UTRN: variants seen among roughly 807,000 people sequenced by gnomAD.
UTRN encodes utrophin.
Under a neutral mutation model 463.9 loss-of-function variants are expected in UTRN, and 283 were observed. That is an observed-to-expected ratio of 0.61 (90% CI 0.55 to 0.67). UTRN has a LOEUF of 0.67. Among genes scored for constraint, UTRN ranks in the 30% least tolerant of loss-of-function variants. The probability of loss-of-function intolerance (pLI) is 0.00; values close to 1 mark genes in which losing one functional copy is unlikely to be tolerated. For synonymous variants in UTRN, 1,442 were observed against 1,431.5 expected (o/e 1.01, Z -0.17); for missense variants, 3,922 against 4,084.3 (o/e 0.96, Z 1.08).
At chr6:144,719,838 A>G (rs1439974688) in intron 53 of UTRN, among the ~76,000 whole-genome samples, 1 of 152,252 alleles carries the variant, frequency 6.6e-6, no homozygotes, top group Non-Finnish European at 1.5e-5. Flanking sequence ...TATCATTTTA[A>G]TTTTGTAATT....
At chr6:144,503,752 T>C (rs115698790) in intron 34 of UTRN, among the ~76,000 whole-genome samples, 1,596 of 152,314 alleles carry the variant, frequency 0.01, 34 homozygotes, top group African/African-American at 0.036. Flanking sequence ...CCATATGAAA[T>C]TTACAGTGTT....
chr6:144,751,981 G>A, intron 56 of UTRN, 29 bp downstream of exon 56: 1 of 1,570,544 alleles, frequency 6.4e-7, no homozygotes, highest in Non-Finnish European at 8.6e-7. Context: ...TCATAATGCA[G>A]GCTTACACCT....
At chr6:144,694,899 G>A (rs1308605591) in intron 52 of UTRN, among the ~76,000 whole-genome samples, 3 of 149,898 alleles carry the variant, frequency 2.0e-5, no homozygotes, top group Admixed American at 6.6e-5. Flanking sequence ...CTACAGTTCT[G>A]CTCTGATATC....
Position 144,451,362 on chromosome 6 carries a change from T to C in UTRN, c.2073-8T>C. The C allele has an allele frequency of 1.9e-6, 3 of 1,608,546 alleles. No homozygotes were observed. Among genetic ancestry groups the C allele is most frequent in the Non-Finnish European group, 2.5e-6 (3 of 1,178,162 alleles). On this transcript the variant is annotated splice_region_variant and splice_polypyrimidine_tract_variant and intron_variant, in intron 17 of 74. Transcript: ENST00000367545. ...ATGACAAATGGTCACCTCTGAATCTTCAAACAGGTTTGATGCTATAAGTGC... is the reference window on the plus strand; with the variant it reads ...ATGACAAATGGTCACCTCTGAATCTCCAAACAGGTTTGATGCTATAAGTGC...
intron 41 of UTRN, among the ~76,000 whole-genome samples, chr6:144,529,438 G>A (rs958021559): frequency 6.6e-6 from 1 of 152,190 alleles, no homozygotes; most frequent in Non-Finnish European, 1.5e-5. Flanking sequence ...CTGAGTGGGA[G>A]CTGCAAGTTA....
At chr6:144,457,753 T>C (rs1308857008) in intron 19 of UTRN, among the ~76,000 whole-genome samples, 1 of 152,230 alleles carries the variant, frequency 6.6e-6, no homozygotes, top group Non-Finnish European at 1.5e-5. Context: ...CAAAGTTGCA[T>C]TGTCTGTGGA....
chr6:144,563,721 G>C (rs1293641754), intron 50 of UTRN, among the ~76,000 whole-genome samples: 1 of 151,976 alleles, frequency 6.6e-6, no homozygotes, highest in Non-Finnish European at 1.5e-5. Flanking sequence ...TCCAAGCTGG[G>C]AATAAAGCTG....
chr6:144,606,802 T>G (rs980157331), intron 51 of UTRN, among the ~76,000 whole-genome samples: 3 of 152,210 alleles, frequency 2.0e-5, no homozygotes, highest in Non-Finnish European at 4.4e-5. Context: ...GTTTGAGGTG[T>G]AAGTGCCAAT....
At chr6:144,633,937 G>A (rs774270399) in intron 51 of UTRN, among the ~76,000 whole-genome samples, 1 of 152,214 alleles carries the variant, frequency 6.6e-6, no homozygotes, top group Non-Finnish European at 1.5e-5. Flanking sequence ...TGAGCTAGAA[G>A]GTTTTTGGAT....
chr6:144,365,563 C>T (rs1367536564), intron 2 of UTRN, among the ~76,000 whole-genome samples: 3 of 152,130 alleles, frequency 2.0e-5, no homozygotes, highest in Non-Finnish European at 1.5e-5. Context: ...TGTTACTAAG[C>T]GACAAACATT....
chr6:144,372,962 T>A (rs1487510245), intron 2 of UTRN, among the ~76,000 whole-genome samples: 1 of 152,144 alleles, frequency 6.6e-6, no homozygotes, highest in Non-Finnish European at 1.5e-5. Context: ...ATCAAAACCA[T>A]AGCGAAATTT....
chr6:144,406,356 C>CTTTTTTTTTTTTTTTTTTTTTTTTTTT (rs57721924), intron 3 of UTRN, among the ~76,000 whole-genome samples: 1 of 125,582 alleles, frequency 8.0e-6, no homozygotes, highest in Admixed American at 8.2e-5. Context: ...TTTTTCTTTT[C>CTTTTTTTTTTTTTTTTTTTTTTTTTTT]TTTTTTTTTT....
intron 2 of UTRN, among the ~76,000 whole-genome samples, chr6:144,365,116 C>T (rs1444024237): frequency 1.3e-5 from 2 of 152,158 alleles, no homozygotes; most frequent in Non-Finnish European, 2.9e-5. Flanking sequence ...ATTCTGCTTG[C>T]CACATTGCGT....
chr6:144,302,798 G>C (rs903317300), intron 2 of UTRN, among the ~76,000 whole-genome samples: 3 of 152,136 alleles, frequency 2.0e-5, no homozygotes, highest in African/African-American at 7.2e-5. Flanking sequence ...CAAGGAATTT[G>C]AGGTGTGCCT....
In UTRN at chr6:144,479,901, C is replaced by T. The variant is rs1298219670; in HGVS notation, c.3426C>T (p.Thr1142=). 1.2e-6 allele frequency: 2 copies of T among 1,614,004 alleles called. No individual in the cohort carries two copies. Among genetic ancestry groups the T allele is most frequent in the East Asian group, 2.2e-5 (1 of 44,876 alleles). The change falls in exon 26 of 75, where the codon ACC becomes ACT. Residue 1142 remains threonine, a synonymous_variant. Transcript: ENST00000367545. ...KDLAEMQEWM[T]QAEEEYLERD... ...TGGCAGAGATGCAGGAATGGATGAC[C>T]CAGGCCGAGGAAGAATATTTGGAGC...
At chr6:144,686,587 C>T (rs1830270) in intron 52 of UTRN, among the ~76,000 whole-genome samples, 151,040 of 152,292 alleles carry the variant, frequency 0.99, 74,901 homozygotes, top group Middle Eastern at 1. Flanking sequence ...TAGACACATA[C>T]ATGTTTAGGA....
At position 144,423,508 on chromosome 6, in the gene UTRN, G is replaced by A. The variant is rs776188150; in HGVS notation, c.235-41G>A. ...TGCTAGTGTTAGTCAGGCATATGGA[G>A]GGACAATCAGTTTTACTTGCTTTTT... is the stretch of plus-strand genomic sequence containing the variant. On this transcript the variant is annotated intron_variant, in intron 4 of 74. Transcript: ENST00000367545. 2.7e-5 allele frequency: 43 copies of A among 1,593,668 alleles called. 1 individual carries two copies. The South Asian group carries it at 4.2e-4, about 16-fold the overall frequency.
intron 2 of UTRN, among the ~76,000 whole-genome samples, chr6:144,388,587 T>G (rs906245877): frequency 1.3e-5 from 2 of 151,862 alleles, no homozygotes; most frequent in Admixed American, 6.6e-5. Flanking sequence ...AGCCTCCACC[T>G]CCCCAGATTC....
chr6:144,806,019 A>G (rs114530461), intron 65 of UTRN, among the ~76,000 whole-genome samples: 2,030 of 152,330 alleles, frequency 0.013, 42 homozygotes, highest in African/African-American at 0.045. Context: ...AGAAGTTTAG[A>G]AAACTGATTA....
Sources: gnomAD v4.1 joint callset for allele counts (sites outside exome capture counted in the v4.1 genomes callset) on GRCh38, gnomAD v4.1.1 for gene constraint, MANE v1.5 for transcripts, NCBI Gene and HGNC (gene_info 2026-07-23, HGNC 2026-07-21) for gene names.